ADAMTS12: variants seen among roughly 807,000 people sequenced by gnomAD.
ADAMTS12 encodes ADAM metallopeptidase with thrombospondin type 1 motif 12.
Under a neutral mutation model 167.8 loss-of-function variants are expected in ADAMTS12, and 118 were observed. The observed-to-expected ratio is 0.70, with a 90% CI of 0.61 to 0.82. ADAMTS12 has a LOEUF of 0.82. Among genes scored for constraint, ADAMTS12 ranks in the 40% least tolerant of loss-of-function variants. The pLI, the probability that ADAMTS12 is intolerant of heterozygous loss-of-function variation, is 0.00. For missense variants in ADAMTS12, 1,916 were observed against 1,998.8 expected (o/e 0.96, Z 0.79); for synonymous variants, 704 against 716.9 (o/e 0.98, Z 0.29).
chr5:33,710,219 C>T (rs935008867), intron 3 of ADAMTS12, among the ~76,000 whole-genome samples: 4 of 152,088 alleles, frequency 2.6e-5, no homozygotes, highest in Non-Finnish European at 4.4e-5. Context: ...AATAAAAATT[C>T]CTGAAGGCTC....
chr5:33,558,974 C>T (rs1396412458), intron 20 of ADAMTS12, among the ~76,000 whole-genome samples: 1 of 152,134 alleles, frequency 6.6e-6, no homozygotes, highest in Non-Finnish European at 1.5e-5. Context: ...GCCTCACAAC[C>T]CCTCTCTTCC....
intron 2 of ADAMTS12, among the ~76,000 whole-genome samples, chr5:33,848,828 A>G (rs895967986): frequency 6.6e-6 from 1 of 152,128 alleles, no homozygotes; most frequent in Non-Finnish European, 1.5e-5. Context: ...ATGAATCTAG[A>G]ACGTAGATTA....
At chr5:33,849,617 GTATTGCATAGCAATATATA>G (rs1480153088) in intron 2 of ADAMTS12, among the ~76,000 whole-genome samples, 3 of 93,912 alleles carry the variant, frequency 3.2e-5, no homozygotes, top group East Asian at 2.6e-4. Context: ...CAATATATAT[GTATTGCATAGCAATATATA>G]TGTATTGCAT....
At chr5:33,817,158 G>T (rs1410162287) in intron 2 of ADAMTS12, among the ~76,000 whole-genome samples, 4 of 152,146 alleles carry the variant, frequency 2.6e-5, no homozygotes, top group Non-Finnish European at 5.9e-5. Context: ...ACACAGCAAG[G>T]TCAAAGCATG....
chr5:33,614,369 A>T lies in ADAMTS12; in HGVS notation c.2396T>A (p.Phe799Tyr), dbSNP rs2112093032. Residue 799 changes from phenylalanine (F) to tyrosine (Y), a missense_variant, in exon 16 of 24, where the codon TTC (phenylalanine) becomes TAC (tyrosine). Transcript: ENST00000504830. ...CTTGATGCCAGGGTTAGTCACCTGGAATAGAAGCTAAAAGGCAAGAGAGGG... is the reference window on the plus strand; with the variant it reads ...CTTGATGCCAGGGTTAGTCACCTGGTATAGAAGCTAAAAGGCAAGAGAGGG... ...TNESVWIQLL[F>Y]QVTNPGIKYE... 1 of 1,614,056 alleles carries T rather than the reference A, an allele frequency of 6.2e-7. No homozygotes were observed. The highest frequency in any genetic ancestry group is 2.2e-5 in the East Asian group (1 of 44,868).
At chr5:33,772,566 C>G (rs1745785931) in intron 2 of ADAMTS12, among the ~76,000 whole-genome samples, 1 of 152,174 alleles carries the variant, frequency 6.6e-6, no homozygotes, top group Admixed American at 6.5e-5. Context: ...AGACAGTTTC[C>G]TTATGTGCCT....
At chr5:33,530,484 T>C (rs565937206) in intron 23 of ADAMTS12, among the ~76,000 whole-genome samples, 1 of 152,306 alleles carries the variant, frequency 6.6e-6, no homozygotes, top group South Asian at 2.1e-4. Context: ...CCCAGTTTCT[T>C]AGCCAGCCTC....
intron 3 of ADAMTS12, among the ~76,000 whole-genome samples, chr5:33,732,068 T>G (rs149637060): frequency 2.0e-4 from 31 of 152,132 alleles, no homozygotes; most frequent in African/African-American, 7.2e-4. Flanking sequence ...CAGCATAGAT[T>G]AGTGATGTCT....
intron 2 of ADAMTS12, among the ~76,000 whole-genome samples, chr5:33,801,135 C>T (rs1746989368): frequency 6.6e-6 from 1 of 152,196 alleles, no homozygotes; most frequent in Admixed American, 6.5e-5. Context: ...ATAGAGTCTC[C>T]AGAGGGAGTG....
At chr5:33,639,562 A>G (rs1306556138) in intron 11 of ADAMTS12, among the ~76,000 whole-genome samples, 2 of 152,216 alleles carry the variant, frequency 1.3e-5, no homozygotes, top group Non-Finnish European at 2.9e-5. Flanking sequence ...TCGAGCGAGC[A>G]GTCCAGATGA....
At chr5:33,617,147 C>T (rs140721980) in intron 14 of ADAMTS12, among the ~76,000 whole-genome samples, 24 of 151,958 alleles carry the variant, frequency 1.6e-4, no homozygotes, top group Middle Eastern at 3.4e-3. Context: ...ATGACGTCTG[C>T]GGTCCCTCTC....
intron 19 of ADAMTS12, among the ~76,000 whole-genome samples, chr5:33,567,472 T>C (rs1746070448): frequency 6.6e-6 from 1 of 152,326 alleles, no homozygotes; most frequent in South Asian, 2.1e-4. Context: ...TACCATGATT[T>C]AGGAAGAAAA....
At chr5:33,614,052 T>A (rs1215021981) in intron 16 of ADAMTS12, among the ~76,000 whole-genome samples, 186 bp downstream of exon 16, 1 of 152,208 alleles carries the variant, frequency 6.6e-6, no homozygotes. Flanking sequence ...TATATAGAGC[T>A]GATAAAAGAA....
rs149305737 is a variant in ADAMTS12, at chr5:33,814,878, C to T, written c.490-63330G>A. 6.6e-3 allele frequency among the ~76,000 whole-genome samples: 992 copies of T among 150,808 alleles called. 10 individuals carry two copies. The highest frequency in any genetic ancestry group is 0.023 in the African/African-American group (927 of 40,974). ...CTCGACCAGAGGAACTGACAAGACA[C>T]TCCTTGAAAGGAGGAGTGATGGAGA... On this transcript the variant is annotated intron_variant, in intron 2 of 23. Coordinates refer to ENST00000504830, the MANE Select transcript of ADAMTS12 (RefSeq NM_030955.4).
intron 3 of ADAMTS12, among the ~76,000 whole-genome samples, chr5:33,742,920 C>A (rs1214521556): frequency 6.6e-6 from 1 of 152,156 alleles, no homozygotes; most frequent in Non-Finnish European, 1.5e-5. Context: ...CACAAATAAG[C>A]AGCTAAAATA....
chr5:33,589,105 T>TG (rs1169013119), intron 17 of ADAMTS12, among the ~76,000 whole-genome samples: 3 of 152,238 alleles, frequency 2.0e-5, no homozygotes, highest in Non-Finnish European at 4.4e-5. Context: ...AGGGTTCTGC[T>TG]GTGCAACTTT....
intron 2 of ADAMTS12, among the ~76,000 whole-genome samples, chr5:33,842,590 A>C (rs1474698730): frequency 1.3e-5 from 2 of 152,262 alleles, no homozygotes; most frequent in Non-Finnish European, 2.9e-5. Flanking sequence ...AGCTTACTTA[A>C]TATCCAGAGT....
chr5:33,637,654 C>T lies in ADAMTS12; in HGVS notation c.1811G>A (p.Arg604Gln), dbSNP rs778897770. The change falls in exon 12 of 24, where the codon CGG becomes CAG. Residue 604 changes from arginine to glutamine, a missense_variant. Transcript: ENST00000504830. The part of the protein sequence containing the change: ...HPCRSEAPTF[R>Q]QMQCSEFDTV... ...GTCAAATTCACTGCACTGCATCTGC[C>T]GAAATGTTGGTGCCTCTGAGCGACA... is the stretch of plus-strand genomic sequence containing the variant. The T allele has an allele frequency of 2.5e-6, 4 of 1,613,622 alleles. No homozygotes were observed. The highest frequency in any genetic ancestry group is 2.7e-5 in the African/African-American group (2 of 74,902).
At chr5:33,799,038 C>T (rs1209254861) in intron 2 of ADAMTS12, among the ~76,000 whole-genome samples, 1 of 152,132 alleles carries the variant, frequency 6.6e-6, no homozygotes, top group Non-Finnish European at 1.5e-5. Context: ...GGACAAGACA[C>T]TTTCCCCATG....
Sources: gnomAD v4.1 joint callset for allele counts (sites outside exome capture counted in the v4.1 genomes callset) on GRCh38, gnomAD v4.1.1 for gene constraint, MANE v1.5 for transcripts, NCBI Gene and HGNC (gene_info 2026-07-23, HGNC 2026-07-21) for gene names.